PITPNB: variants seen among roughly 807,000 people sequenced by gnomAD.
PITPNB encodes phosphatidylinositol transfer protein beta.
PITPNB carries 16 observed loss-of-function variants against 45.9 expected under a neutral mutation model. That is an observed-to-expected ratio of 0.35 (90% CI 0.24 to 0.53). The LOEUF (loss-of-function observed/expected upper bound fraction) is 0.53, where lower values mean the gene tolerates loss of function less well. PITPNB is among the 20% of genes least tolerant of loss of function. The pLI, the probability that PITPNB is intolerant of heterozygous loss-of-function variation, is 0.93. For missense variants in PITPNB, 188 were observed against 330.5 expected (o/e 0.57, Z 3.34); for synonymous variants, 112 against 108.9 (o/e 1.03, Z -0.18).
At chr22:27,871,391 T>C (rs1934654571) in intron 8 of PITPNB, among the ~76,000 whole-genome samples, 1 of 152,218 alleles carries the variant, frequency 6.6e-6, no homozygotes, top group African/African-American at 2.4e-5. Context: ...ATACAATATT[T>C]AATTCACCTC....
chr22:27,919,006 G>T, intron 1 of PITPNB, 166 bp downstream of exon 1: 1 of 959,052 alleles, frequency 1.0e-6, no homozygotes, highest in Non-Finnish European at 1.7e-6. Flanking sequence ...GCCGAGGGGC[G>T]CACTCGCTGA....
chr22:27,885,874 G>A (rs1284985683), intron 7 of PITPNB, among the ~76,000 whole-genome samples: 3 of 152,142 alleles, frequency 2.0e-5, no homozygotes, highest in African/African-American at 7.2e-5. Context: ...AAACCTTTAT[G>A]GAAGAGCTTA....
chr22:27,919,050 G>T, intron 1 of PITPNB, 122 bp downstream of exon 1: 4 of 1,480,660 alleles, frequency 2.7e-6, no homozygotes, highest in East Asian at 2.3e-5. Context: ...GGGAGGGGGC[G>T]CCCGCAGGGA....
intron 7 of PITPNB, among the ~76,000 whole-genome samples, chr22:27,889,745 T>C (rs1354945781): frequency 3.3e-5 from 5 of 152,348 alleles, no homozygotes; most frequent in Admixed American, 6.5e-5. Flanking sequence ...CCTCGACAGC[T>C]ACCACAGTGC....
Position 27,919,202 on chromosome 22 carries a change from C to T in PITPNB, c.-11G>A, listed in dbSNP as rs748324076. On this transcript the variant is annotated 5_prime_UTR_variant, in exon 1 of 12. Transcript: ENST00000335272. ...CTTGATCAGCACCATCTTCCCGGAA[C>T]CCCCTCACAGCTGCCGCCGATACCA... 26 of 1,612,688 alleles carry T rather than the reference C, an allele frequency of 1.6e-5. No homozygotes were observed. The highest frequency in any genetic ancestry group is 8.3e-5 in the Admixed American group (5 of 60,004).
At chr22:27,902,200 T>G (rs1358660895) in intron 3 of PITPNB, among the ~76,000 whole-genome samples, 4 of 152,006 alleles carry the variant, frequency 2.6e-5, no homozygotes, top group African/African-American at 9.7e-5. Flanking sequence ...ATTACAGCAG[T>G]GATCCAAGGG....
chr22:27,867,643 T>C (rs942884171), intron 8 of PITPNB, among the ~76,000 whole-genome samples: 5 of 152,196 alleles, frequency 3.3e-5, no homozygotes, highest in Non-Finnish European at 7.3e-5. Flanking sequence ...GGAGTGACAC[T>C]ATTTTCAAGT....
intron 7 of PITPNB, among the ~76,000 whole-genome samples, chr22:27,874,367 G>GA (rs1421446589): frequency 2.0e-4 from 31 of 152,178 alleles, no homozygotes; most frequent in African/African-American, 7.2e-4. Context: ...CGAGAGCCCT[G>GA]GGATACACAT....
intron 3 of PITPNB, among the ~76,000 whole-genome samples, chr22:27,898,993 G>T (rs1394287039): frequency 6.6e-6 from 1 of 152,224 alleles, no homozygotes; most frequent in Non-Finnish European, 1.5e-5. Flanking sequence ...AGTTTTGCTT[G>T]CACAGACTTT....
At chr22:27,896,987 T>A in intron 5 of PITPNB, 143 bp downstream of exon 5, 4 of 722,802 alleles carry the variant, frequency 5.5e-6, no homozygotes, top group Non-Finnish European at 1.0e-5. Flanking sequence ...GAACATGTGG[T>A]AGAGTGTGGC....
At chr22:27,883,772 C>G (rs2146381605) in intron 7 of PITPNB, among the ~76,000 whole-genome samples, 1 of 152,352 alleles carries the variant, frequency 6.6e-6, no homozygotes, top group Non-Finnish European at 1.5e-5. Flanking sequence ...GAGAACTGGA[C>G]TAGTGGACAG....
intron 8 of PITPNB, among the ~76,000 whole-genome samples, chr22:27,866,196 G>A (rs901634509): frequency 1.3e-5 from 2 of 152,146 alleles, no homozygotes; most frequent in African/African-American, 4.8e-5. Flanking sequence ...TCATTGCTAC[G>A]TAATTTAAAT....
intron 7 of PITPNB, among the ~76,000 whole-genome samples, chr22:27,878,119 T>G (rs1934871459): frequency 6.6e-6 from 1 of 152,242 alleles, no homozygotes; most frequent in South Asian, 2.1e-4. Flanking sequence ...TTTAAATGCA[T>G]GGGTATTGCA....
intron 8 of PITPNB, among the ~76,000 whole-genome samples, chr22:27,869,003 A>T (rs527282096): frequency 6.6e-6 from 1 of 152,216 alleles, no homozygotes; most frequent in African/African-American, 2.4e-5. Context: ...GTAGTGTTTC[A>T]ATCTGTTAAA....
chr22:27,896,963 C>A, intron 5 of PITPNB, 167 bp downstream of exon 5: 1 of 670,488 alleles, frequency 1.5e-6, no homozygotes, highest in Non-Finnish European at 2.7e-6. Flanking sequence ...GTGGAAAGGG[C>A]CCATGAACAC....
At chr22:27,856,271 C>T (rs1246263560) in intron 10 of PITPNB, among the ~76,000 whole-genome samples, 2 of 152,188 alleles carry the variant, frequency 1.3e-5, no homozygotes, top group African/African-American at 4.8e-5. Flanking sequence ...AATGGTGACA[C>T]TAAGGAATTG....
rs1934087407 is a variant in PITPNB, at chr22:27,853,543, A to G, written c.*159T>C. 2.6e-6 allele frequency: 3 copies of G among 1,169,858 alleles called. No homozygotes were observed. Among genetic ancestry groups the G allele is most frequent in the Non-Finnish European group, 3.8e-6 (3 of 799,340 alleles). The allele number at this position is 1,169,858 out of a possible 1,614,324, so 72.5% of individuals were successfully genotyped here. On this transcript the variant is annotated 3_prime_UTR_variant, in exon 12 of 12. Transcript: ENST00000335272. Reference sequence around the variant, plus strand: ...TACACACGTGGTTGAGAACCTGTGCATGTGTGTGTATCATCACAAGCACAC... The same window carrying G: ...TACACACGTGGTTGAGAACCTGTGCGTGTGTGTGTATCATCACAAGCACAC...
At chr22:27,890,831 A>C (rs1935256836) in intron 7 of PITPNB, among the ~76,000 whole-genome samples, 1 of 152,162 alleles carries the variant, frequency 6.6e-6, no homozygotes, top group African/African-American at 2.4e-5. Flanking sequence ...AAACAAAACA[A>C]AAAACAGATG....
chr22:27,870,060 G>A (rs988372505), intron 8 of PITPNB, among the ~76,000 whole-genome samples: 2 of 152,188 alleles, frequency 1.3e-5, no homozygotes, highest in African/African-American at 4.8e-5. Context: ...CGGTGATCTA[G>A]GAGTCACTGG....
Sources: gnomAD v4.1 joint callset for allele counts (sites outside exome capture counted in the v4.1 genomes callset) on GRCh38, gnomAD v4.1.1 for gene constraint, MANE v1.5 for transcripts, NCBI Gene and HGNC (gene_info 2026-07-23, HGNC 2026-07-21) for gene names.